ABCC3: variants seen among roughly 807,000 people sequenced by gnomAD.
The protein encoded by ABCC3 is ATP binding cassette subfamily C member 3.
A neutral mutation model predicts 165.3 loss-of-function variants in ABCC3; 121 were observed. That is an observed-to-expected ratio of 0.73 (90% CI 0.63 to 0.85). The LOEUF is 0.85. ABCC3 is among the 40% of genes least tolerant of loss of function. ABCC3 has a pLI of 0.00. For synonymous variants in ABCC3, 733 were observed against 810.1 expected (o/e 0.90, Z 1.62); for missense variants, 1,869 against 1,964.1 (o/e 0.95, Z 0.92).
chr17:50,668,089 G>C (rs1325647217), intron 13 of ABCC3, 80 bp downstream of exon 13: 1 of 1,222,352 alleles, frequency 8.2e-7, no homozygotes, highest in Admixed American at 1.8e-5. Context: ...TAGGGCAAGG[G>C]ATAATCAGGG....
intron 1 of ABCC3, among the ~76,000 whole-genome samples, chr17:50,651,896 T>C (rs549961574): frequency 6.6e-6 from 1 of 152,302 alleles, no homozygotes; most frequent in African/African-American, 2.4e-5. Flanking sequence ...TTTTATAATA[T>C]AAAGACAACA....
chr17:50,678,332 G>T, intron 25 of ABCC3, 113 bp downstream of exon 25: 1 of 1,190,878 alleles, frequency 8.4e-7, no homozygotes, highest in South Asian at 2.5e-5. Context: ...CAGCCACAGG[G>T]TCTGTTCTCA....
At chr17:50,636,590 A>G (rs1598901414) in intron 1 of ABCC3, among the ~76,000 whole-genome samples, 2 of 152,174 alleles carry the variant, frequency 1.3e-5, no homozygotes, top group East Asian at 3.9e-4. Flanking sequence ...CCTTTGGGCC[A>G]GGCTGGTATG....
chr17:50,684,775 G>C lies in ABCC3; in HGVS notation c.4180G>C (p.Asp1394His). ...LDPFGSYSEE[D>H]IWWALELSHL... is the part of the protein sequence containing the mutation. Reference sequence around the variant, plus strand: ...CCCCTTCGGCAGCTACTCAGAGGAGGACATTTGGTGGGCTTTGGAGCTGTC... The same window carrying C: ...CCCCTTCGGCAGCTACTCAGAGGAGCACATTTGGTGGGCTTTGGAGCTGTC... Residue 1394 changes from aspartate to histidine, a missense_variant, in exon 29 of 31, where the codon GAC (aspartate) becomes CAC (histidine). Asp to His is a moderately conservative substitution (Grantham distance 81, BLOSUM62 -1). Coordinates refer to ENST00000285238, the MANE Select transcript of ABCC3 (RefSeq NM_003786.4). 1 of 1,614,164 alleles carries C rather than the reference G, an allele frequency of 6.2e-7. No individual in the cohort carries two copies. Among genetic ancestry groups the C allele is most frequent in the South Asian group, 1.1e-5 (1 of 91,084 alleles).
chr17:50,684,104 G>T lies in ABCC3; in HGVS notation c.4110G>T (p.Pro1370=). Residue 1370 remains proline, a synonymous_variant, in exon 28 of 31, where the codon CCG becomes CCT. Transcript: ENST00000285238. ...HDLRSQLTII[P]QDPILFSGTL... ...TGCGCTCTCAGCTGACCATCATCCC[G>T]CAGGTAGGAGCCTGGCATGGGCTGG... 1 of 1,612,326 alleles carries T rather than the reference G, an allele frequency of 6.2e-7. No individual in the cohort carries two copies. Among genetic ancestry groups the T allele is most frequent in the Non-Finnish European group, 8.5e-7 (1 of 1,179,414 alleles).
At chr17:50,653,581 T>TTTC (rs146939220) in intron 1 of ABCC3, among the ~76,000 whole-genome samples, 5,326 of 150,960 alleles carry the variant, frequency 0.035, 162 homozygotes, top group East Asian at 0.14. Context: ...TGAAACCCCA[T>TTTC]TTCTACTAAA....
At chr17:50,645,298 C>T (rs544485905) in intron 1 of ABCC3, among the ~76,000 whole-genome samples, 4 of 144,058 alleles carry the variant, frequency 2.8e-5, no homozygotes, top group African/African-American at 7.8e-5. Context: ...CACTTGAACA[C>T]GGGAGGCAGA....
In ABCC3 at chr17:50,673,504, GC is replaced by G. The variant is rs745772608; in HGVS notation, c.2449del (p.Gln817ArgfsTer8). The G allele has an allele frequency of 1.8e-5, 29 of 1,614,030 alleles. No homozygotes were observed. The highest frequency in any genetic ancestry group is 2.4e-5 in the Non-Finnish European group (28 of 1,180,042). ...TGGTGACGCACGGCATTAGCTTCCT[GC>G]CCCAGACAGACTTCATCATTGTGCT... is the stretch of plus-strand genomic sequence containing the variant. Reference protein sequence around the residue: ...VLVTHGISFLPQTDFIIVLAD... With the variant: ...VLVTHGISFLXQTDFIIVLAD... On this transcript the variant is annotated frameshift_variant, in exon 19 of 31. Coordinates refer to ENST00000285238, the MANE Select transcript of ABCC3 (RefSeq NM_003786.4). LOFTEE classifies it high-confidence loss of function.
chr17:50,664,629 G>A (rs1967479416), intron 10 of ABCC3: 1 of 177,642 alleles, frequency 5.6e-6, no homozygotes, highest in Non-Finnish European at 1.2e-5. Context: ...CTTGAACCCA[G>A]GAGGCAGAGG....
At chr17:50,642,885 G>A (rs1567824232) in intron 1 of ABCC3, among the ~76,000 whole-genome samples, 1 of 152,188 alleles carries the variant, frequency 6.6e-6, no homozygotes, top group African/African-American at 2.4e-5. Flanking sequence ...ACAAAGCCTG[G>A]GTGCCTGTCC....
chr17:50,670,164 C>G (rs182104314), intron 17 of ABCC3, among the ~76,000 whole-genome samples: 25 of 152,116 alleles, frequency 1.6e-4, no homozygotes, highest in Non-Finnish European at 2.9e-4. Context: ...CTCACTGCAA[C>G]CTCCACCTCC....
chr17:50,665,128 C>T (rs1270765868), intron 10 of ABCC3, 25 bp from the exon 11 acceptor site: 2 of 1,605,572 alleles, frequency 1.2e-6, no homozygotes, highest in Non-Finnish European at 1.7e-6. Flanking sequence ...CCCTATGTGT[C>T]ATCTATCCAC....
At chr17:50,656,627 G>C in intron 2 of ABCC3, 75 bp from the exon 3 acceptor site, 1 of 1,533,614 alleles carries the variant, frequency 6.5e-7, no homozygotes, top group Non-Finnish European at 8.8e-7. Flanking sequence ...GTGGCTTCAG[G>C]TACAAAGACC....
chr17:50,675,234 C>T, intron 19 of ABCC3, 128 bp from the exon 20 acceptor site: 1 of 592,872 alleles, frequency 1.7e-6, no homozygotes, highest in Middle Eastern at 3.1e-4. Context: ...GTTGCCCTTT[C>T]AATCCCCCTC....
At chr17:50,674,649 C>T (rs953945391) in intron 19 of ABCC3, among the ~76,000 whole-genome samples, 1 of 152,148 alleles carries the variant, frequency 6.6e-6, no homozygotes, top group Non-Finnish European at 1.5e-5. Context: ...AGCTCCCCAG[C>T]CCCCAATTCT....
At chr17:50,664,774 A>G in intron 10 of ABCC3, 1 of 192,078 alleles carries the variant, frequency 5.2e-6, no homozygotes, top group Non-Finnish European at 1.1e-5. Flanking sequence ...ATGGAGGGAT[A>G]GGACTTCGAG....
At chr17:50,654,478 C>T (rs912184324) in intron 1 of ABCC3, among the ~76,000 whole-genome samples, 1 of 152,212 alleles carries the variant, frequency 6.6e-6, no homozygotes, top group Non-Finnish European at 1.5e-5. Context: ...AACCAACCAT[C>T]CTGGTTTGCC....
intron 24 of ABCC3, 35 bp from the exon 25 acceptor site, chr17:50,678,058 C>T (rs370926041): frequency 5.0e-6 from 8 of 1,613,484 alleles, no homozygotes; most frequent in Admixed American, 1.7e-5. Context: ...CTGCCCTGCC[C>T]CTGCCCCATT....
In ABCC3 at chr17:50,679,880, AC is replaced by A; in HGVS notation, c.3789del (p.Ser1264ProfsTer39). The A allele has an allele frequency of 6.2e-7, 1 of 1,613,936 alleles. No homozygotes were observed. Reference protein sequence around the residue: ...NIVAVERVKEYSKTETEAPWV... With the variant: ...NIVAVERVKEXSKTETEAPWV... ...GTGGCTGTGGAGAGGGTCAAGGAGT[AC>A]TCCAAGACAGAGACAGAGGTGGGTA... On this transcript the variant is annotated frameshift_variant, in exon 26 of 31. Coordinates refer to ENST00000285238, the MANE Select transcript of ABCC3 (RefSeq NM_003786.4). LOFTEE classifies it high-confidence loss of function.
Sources: allele counts gnomAD v4.1 joint callset (sites outside exome capture counted in the v4.1 genomes callset), GRCh38; gene constraint gnomAD v4.1.1; transcripts MANE v1.5; gene names NCBI Gene and HGNC (gene_info 2026-07-23, HGNC 2026-07-21).